The following NUTM2B variants were observed in gnomAD, a reference collection of about 807,000 sequenced individuals.
NUTM2B encodes family with sequence similarity 22, member B.
NUTM2B carries 2 observed loss-of-function variants against 42.4 expected under a neutral mutation model. That is an observed-to-expected ratio of 0.05 (90% confidence interval 0.02 to 0.15). NUTM2B has a LOEUF of 0.15. Among genes scored for constraint, NUTM2B ranks in the 10% least tolerant of loss-of-function variants. The pLI is 1.00. For synonymous variants in NUTM2B, 18 were observed against 402.4 expected (o/e 0.04, Z 11.43); for missense variants, 58 against 952.6 (o/e 0.06, Z 12.36).
At chr10:79,707,702 C>T (rs1273672535) in intron 2 of NUTM2B, among the ~76,000 whole-genome samples, 1 of 108,634 alleles carries the variant, frequency 9.2e-6, no homozygotes. Flanking sequence ...TGGCCGTTCC[C>T]CTAGGGAAGT....
upstream of NUTM2B, among the ~76,000 whole-genome samples, chr10:79,699,559 C>T (rs1840276147): frequency 6.6e-6 from 1 of 152,240 alleles, no homozygotes; most frequent in African/African-American, 2.4e-5. Flanking sequence ...TCTTCTGCCT[C>T]AGCCTCCCGA....
intron 5 of NUTM2B, 116 bp downstream of exon 5, chr10:79,710,880 G>C (rs1268876358): frequency 2.5e-5 from 31 of 1,264,596 alleles, no homozygotes; most frequent in Non-Finnish European, 2.9e-5. Flanking sequence ...CCATGGATTT[G>C]AGTGTCTGTG....
chr10:79,696,339 C>A, the NUTM2B span, among the ~76,000 whole-genome samples: 6 of 151,758 alleles, frequency 4.0e-5, no homozygotes, highest in African/African-American at 9.7e-5. Context: ...TACCCCAAGC[C>A]AGTACAAGCC....
At chr10:79,709,923 G>A in exon 4 of NUTM2B, 1 of 621,560 alleles carries the variant, frequency 1.6e-6, no homozygotes, top group Non-Finnish European at 2.3e-6. Flanking sequence ...CGGCCCCTGA[G>A]GTGGTCAAGC....
the NUTM2B span, among the ~76,000 whole-genome samples, chr10:79,694,555 T>C: frequency 6.6e-6 from 1 of 151,988 alleles, no homozygotes; most frequent in African/African-American, 2.4e-5. Flanking sequence ...GGCCTCCCTG[T>C]CTCTCCAGAA....
the NUTM2B span, among the ~76,000 whole-genome samples, chr10:79,693,707 A>AT: frequency 1.3e-5 from 2 of 152,266 alleles, no homozygotes; most frequent in South Asian, 2.1e-4. Flanking sequence ...ATTACAGTGC[A>AT]TTTTTTTAAG....
exon 7 of NUTM2B, chr10:79,711,807 C>G (rs1181102348): frequency 1.2e-6 from 2 of 1,601,252 alleles, no homozygotes; most frequent in African/African-American, 2.8e-5. Flanking sequence ...TTGCAGCTGG[C>G]CAAGGAGCAG....
chr10:79,695,658 C>G, the NUTM2B span, among the ~76,000 whole-genome samples: 1 of 151,966 alleles, frequency 6.6e-6, no homozygotes, highest in Non-Finnish European at 1.5e-5. Flanking sequence ...AGAGGGTGTC[C>G]TCGTCACTCG....
chr10:79,700,606 C>A (rs1840297833), upstream of NUTM2B, among the ~76,000 whole-genome samples: 1 of 152,078 alleles, frequency 6.6e-6, no homozygotes, highest in Non-Finnish European at 1.5e-5. Flanking sequence ...GGGAGCATGA[C>A]CAGGAGGTGA....
At chr10:79,692,327 A>T in the NUTM2B span, among the ~76,000 whole-genome samples, 8 of 152,246 alleles carry the variant, frequency 5.3e-5, no homozygotes, top group African/African-American at 1.9e-4. Context: ...CAATCTTTAT[A>T]ACCCTGTGGA....
At chr10:79,700,711 G>T (rs938352925), upstream of NUTM2B, among the ~76,000 whole-genome samples, 3 of 152,082 alleles carry the variant, frequency 2.0e-5, no homozygotes, top group African/African-American at 7.3e-5. Context: ...CTTTGCTCTC[G>T]TGCTGCGCGT....
the NUTM2B span, among the ~76,000 whole-genome samples, chr10:79,692,225 G>T: frequency 1.3e-5 from 2 of 152,202 alleles, no homozygotes; most frequent in East Asian, 3.9e-4. Context: ...GTTATGTTCC[G>T]TATGGACTAG....
At chr10:79,699,430 AAC>A (rs201453901), upstream of NUTM2B, among the ~76,000 whole-genome samples, 1,050 of 152,078 alleles carry the variant, frequency 6.9e-3, 9 homozygotes, top group African/African-American at 0.022. Context: ...CTCTCACAAA[AAC>A]AGTTATGACC....
At chr10:79,694,726 G>A in the NUTM2B span, among the ~76,000 whole-genome samples, 6 of 152,320 alleles carry the variant, frequency 3.9e-5, no homozygotes, top group Admixed American at 2.0e-4. Flanking sequence ...AGGGGAAACC[G>A]AATCCATTCT....
chr10:79,694,811 ACAT>A, the NUTM2B span, among the ~76,000 whole-genome samples: 1 of 152,162 alleles, frequency 6.6e-6, no homozygotes, highest in African/African-American at 2.4e-5. Context: ...ACAGGATCTA[ACAT>A]CATGCTCCAG....
chr10:79,702,942 A>G (rs61863483), upstream of NUTM2B, among the ~76,000 whole-genome samples: 7 of 143,660 alleles, frequency 4.9e-5, no homozygotes, highest in East Asian at 2.2e-4. Flanking sequence ...CTGGATTCCA[A>G]ACAGCAAGAA....
chr10:79,694,509 G>T, the NUTM2B span, among the ~76,000 whole-genome samples: 1 of 152,122 alleles, frequency 6.6e-6, no homozygotes, highest in Non-Finnish European at 1.5e-5. Flanking sequence ...CATCGACAGG[G>T]TTCTCAGAAA....
At chr10:79,699,888 A>G (rs1312466625), upstream of NUTM2B, among the ~76,000 whole-genome samples, 1 of 152,072 alleles carries the variant, frequency 6.6e-6, no homozygotes, top group Non-Finnish European at 1.5e-5. Flanking sequence ...ACACAAAACC[A>G]CCCGCACAAA....
chr10:79,693,420 G>A, the NUTM2B span, among the ~76,000 whole-genome samples: 2 of 152,228 alleles, frequency 1.3e-5, no homozygotes, highest in Non-Finnish European at 2.9e-5. Flanking sequence ...GGACAGAGGG[G>A]CCACTCAGCA....
Sources: gnomAD v4.1 joint callset for allele counts (sites outside exome capture counted in the v4.1 genomes callset) on GRCh38, gnomAD v4.1.1 for gene constraint, MANE v1.5 for transcripts, NCBI Gene and HGNC (gene_info 2026-07-23, HGNC 2026-07-21) for gene names.